Variants in TTC3 observed in about 807,000 individuals in gnomAD.
TTC3 encodes E3 ubiquitin-protein ligase TTC3.
In TTC3, 180 loss-of-function variants were observed where a neutral mutation model predicts 249.6. The observed-to-expected ratio is 0.72, with a 90% CI of 0.64 to 0.82. The LOEUF (loss-of-function observed/expected upper bound fraction) is 0.82, where lower values mean the gene tolerates loss of function less well. Ranked by LOEUF, TTC3 falls within the 40% of genes least tolerant of loss-of-function variation. The pLI is 0.00. For missense variants in TTC3, 2,061 were observed against 2,398.4 expected (o/e 0.86, Z 2.94); for synonymous variants, 717 against 805.0 (o/e 0.89, Z 1.85).
At chr21:37,198,178 G>C (rs2085121919) in intron 44 of TTC3, among the ~76,000 whole-genome samples, 153 bp downstream of exon 44, 1 of 152,200 alleles carries the variant, frequency 6.6e-6, no homozygotes, top group African/African-American at 2.4e-5. Flanking sequence ...TGTCCAGTTA[G>C]AGCAATCAGT....
chr21:37,169,516 C>T (rs1275478681), intron 34 of TTC3, among the ~76,000 whole-genome samples: 3 of 151,592 alleles, frequency 2.0e-5, no homozygotes, highest in Non-Finnish European at 4.4e-5. Context: ...TGTACTCCAG[C>T]CTGGGCGACA....
Position 37,167,563 on chromosome 21 carries a change from G to A in TTC3, c.4410G>A (p.Trp1470Ter). The A allele has an allele frequency of 6.2e-7, 1 of 1,608,454 alleles. No homozygotes were observed. Among genetic ancestry groups the A allele is most frequent in the African/African-American group, 1.3e-5 (1 of 74,796 alleles). The stretch of plus-strand genomic sequence containing the variant: ...TTTTGTTTTGCCCACAGGTATCTTG[G>A]AACATAATACACCAAGAAGTCAATA... The change falls in exon 34 of 46, where the codon TGG (tryptophan) becomes TGA (stop). Residue 1470 changes from tryptophan (W) to a stop codon, truncating the protein, a stop_gained. Coordinates refer to ENST00000355666, the Ensembl canonical transcript of TTC3. LOFTEE classifies it high-confidence loss of function.
chr21:37,084,918 G>A (rs1208588066), intron 1 of TTC3, among the ~76,000 whole-genome samples: 6 of 152,158 alleles, frequency 3.9e-5, no homozygotes, highest in Non-Finnish European at 8.8e-5. Context: ...GCTTGAACCC[G>A]GGAAGTGGAG....
At chr21:37,131,654 A>G (rs1327385487) in intron 16 of TTC3, among the ~76,000 whole-genome samples, 1 of 151,988 alleles carries the variant, frequency 6.6e-6, no homozygotes, top group East Asian at 1.9e-4. Context: ...TGACCTGTGC[A>G]CCCCACTTGC....
At chr21:37,174,911 C>G (rs973716274) in intron 35 of TTC3, among the ~76,000 whole-genome samples, 1 of 152,138 alleles carries the variant, frequency 6.6e-6, no homozygotes, top group Non-Finnish European at 1.5e-5. Flanking sequence ...ACCCAAAATT[C>G]TGCTTGTGCC....
intron 8 of TTC3, among the ~76,000 whole-genome samples, 166 bp downstream of exon 8, chr21:37,094,256 C>T (rs1211781607): frequency 6.6e-6 from 1 of 152,070 alleles, no homozygotes; most frequent in Non-Finnish European, 1.5e-5. Context: ...GATTTAAAAA[C>T]CATTAATTGA....
chr21:37,193,223 T>C (rs781243366), intron 41 of TTC3, among the ~76,000 whole-genome samples: 2 of 34,072 alleles, frequency 5.9e-5, no homozygotes, highest in Admixed American at 3.9e-4. Context: ...TGCCTTCCCC[T>C]GAAACCCCGT....
At chr21:37,176,444 G>A (rs1213125575) in intron 35 of TTC3, among the ~76,000 whole-genome samples, 2 of 152,208 alleles carry the variant, frequency 1.3e-5, no homozygotes, top group African/African-American at 4.8e-5. Context: ...TCAACATTAG[G>A]TCTTAAAACA....
At chr21:37,122,432 A>AT (rs1348742078) in intron 12 of TTC3, among the ~76,000 whole-genome samples, 43 of 26,542 alleles carry the variant, frequency 1.6e-3, no homozygotes, top group Admixed American at 9.9e-3. Flanking sequence ...ATATATATAT[A>AT]TATATTATAT....
chr21:37,092,254 T>A (rs1055257306), intron 7 of TTC3, among the ~76,000 whole-genome samples: 10 of 152,256 alleles, frequency 6.6e-5, no homozygotes, highest in African/African-American at 1.9e-4. Context: ...TTACCATCTC[T>A]GCTGAGATAA....
chr21:37,170,769 T>C (rs1292594881), intron 34 of TTC3, among the ~76,000 whole-genome samples: 1 of 152,166 alleles, frequency 6.6e-6, no homozygotes, highest in African/African-American at 2.4e-5. Flanking sequence ...AAATAATATA[T>C]AGAGTTCTTA....
intron 25 of TTC3, among the ~76,000 whole-genome samples, chr21:37,151,514 T>G (rs2079467215): frequency 6.6e-6 from 1 of 152,146 alleles, no homozygotes; most frequent in Non-Finnish European, 1.5e-5. Flanking sequence ...AATTATAGTG[T>G]TGTGGGTTAT....
At chr21:37,175,919 C>T (rs867604782) in intron 35 of TTC3, among the ~76,000 whole-genome samples, 51 of 151,416 alleles carry the variant, frequency 3.4e-4, no homozygotes, top group African/African-American at 1.2e-3. Context: ...ACAGGCTGCA[C>T]GCCACCAAGC....
intron 25 of TTC3, 34 bp from the exon 26 acceptor site, chr21:37,151,858 TC>T (rs1315709598): frequency 9.7e-6 from 15 of 1,538,720 alleles, no homozygotes; most frequent in Non-Finnish European, 1.3e-5. Flanking sequence ...GGAAAACAGT[TC>T]ATTGAGTTGT....
At chr21:37,165,363 C>G (rs1013006648) in intron 32 of TTC3, among the ~76,000 whole-genome samples, 187 bp from the exon 33 acceptor site, 55 of 152,028 alleles carry the variant, frequency 3.6e-4, no homozygotes, top group African/African-American at 1.3e-3. Flanking sequence ...AGGAGGTAGA[C>G]AAAATTTTCT....
At chr21:37,135,332 T>A (rs1471673003) in intron 17 of TTC3, 48 bp from the exon 18 acceptor site, 1 of 1,561,590 alleles carries the variant, frequency 6.4e-7, no homozygotes, top group Non-Finnish European at 8.7e-7. Context: ...GGTTTTAAAT[T>A]AAAAATGTGT....
intron 29 of TTC3, 82 bp from the exon 30 acceptor site, chr21:37,160,720 T>TA: frequency 6.9e-7 from 1 of 1,442,924 alleles, no homozygotes; most frequent in Non-Finnish European, 9.6e-7. Context: ...GGCTAGTCTG[T>TA]AAAAACTCAT....
At chr21:37,201,643 G>A in exon 46 of TTC3, 7 of 1,562,614 alleles carry the variant, frequency 4.5e-6, no homozygotes, top group South Asian at 1.2e-5. Context: ...TACCACTGGT[G>A]TAAAAAACAA....
At chr21:37,158,604 C>T (rs977831492) in intron 28 of TTC3, among the ~76,000 whole-genome samples, 2 of 152,112 alleles carry the variant, frequency 1.3e-5, no homozygotes, top group African/African-American at 4.8e-5. Context: ...TTTCCCTGAC[C>T]TCTTCATGCA....
Sources: allele counts gnomAD v4.1 joint callset (sites outside exome capture counted in the v4.1 genomes callset), GRCh38; gene constraint gnomAD v4.1.1; transcripts MANE v1.5; gene names NCBI Gene and HGNC (gene_info 2026-07-23, HGNC 2026-07-21).